HID1: variants seen among roughly 807,000 people sequenced by gnomAD.
HID1 encodes HID1 domain containing, also known as protein HID1.
Under a neutral mutation model 89.7 loss-of-function variants are expected in HID1, and 42 were observed. The ratio of observed to expected loss-of-function variants is 0.47; its 90% CI spans 0.37 to 0.61. The LOEUF is 0.61. Ranked by LOEUF, HID1 falls within the 20% of genes least tolerant of loss-of-function variation. The probability of loss-of-function intolerance (pLI) is 0.00; values close to 1 mark genes in which losing one functional copy is unlikely to be tolerated. For synonymous variants in HID1, 442 were observed against 433.8 expected (o/e 1.02, Z -0.24); for missense variants, 854 against 1,039.3 (o/e 0.82, Z 2.45).
At position 74,951,521 on chromosome 17, in the gene HID1, G is replaced by C. The variant is rs1231610706; in HGVS notation, c.*49C>G. On this transcript the variant is annotated 3_prime_UTR_variant, in exon 19 of 19. Transcript: ENST00000425042. ...AATGGTGGATGGGGGAAGCCTCAGG[G>C]ACCAAGGCCCTGCCTTCCCCTAGAC... 6.5e-7 allele frequency: 1 copy of C among 1,542,528 alleles called. No individual in the cohort carries two copies. The highest frequency in any genetic ancestry group is 1.2e-5 in the South Asian group (1 of 86,412).
chr17:74,963,274 G>C, intron 3 of HID1, 193 bp from the exon 4 acceptor site: 1 of 554,646 alleles, frequency 1.8e-6, no homozygotes, highest in South Asian at 2.2e-5. Context: ...AGGGAGCCGG[G>C]CCGGGAACAG....
Position 74,955,813 on chromosome 17 carries a change from T to C in HID1, c.1615A>G (p.Ile539Val). Reference protein sequence around the residue: ...VFFLLEVFNNIIQYQFDGNSN... With the variant: ...VFFLLEVFNNVIQYQFDGNSN... The stretch of plus-strand genomic sequence containing the variant: ...TCACCATCAAACTGGTACTGGATGA[T>C]GTTGTTGAAGACCTCCAGGAGGAAG... Residue 539 changes from isoleucine to valine, a missense_variant, in exon 13 of 19, where the codon ATC becomes GTC. Transcript: ENST00000425042. The C allele has an allele frequency of 6.2e-7, 1 of 1,614,130 alleles. No homozygotes were observed. Among genetic ancestry groups the C allele is most frequent in the Non-Finnish European group, 8.5e-7 (1 of 1,179,992 alleles).
chr17:74,955,740 A>ACTTCCT, intron 13 of HID1, 52 bp downstream of exon 13: 1 of 1,570,504 alleles, frequency 6.4e-7, no homozygotes, highest in Non-Finnish European at 8.7e-7. Flanking sequence ...CTTATGTAGG[A>ACTTCCT]AGTAGGCCCG....
At chr17:74,969,964 C>A (rs1279277473) in intron 1 of HID1, among the ~76,000 whole-genome samples, 10 of 126,084 alleles carry the variant, frequency 7.9e-5, no homozygotes, top group African/African-American at 3.1e-4. Flanking sequence ...GCTCTTGTTG[C>A]CCAAGCTAGA....
intron 3 of HID1, chr17:74,963,392 G>T (rs566884833): frequency 2.0e-6 from 1 of 489,670 alleles, no homozygotes; most frequent in South Asian, 2.8e-5. Context: ...ACCTCACCTG[G>T]ACATAAACCC....
Position 74,951,624 on chromosome 17 carries a change from G to T in HID1, c.2313C>A (p.Asp771Glu). Reference sequence around the variant, plus strand: ...CGTCGGTGTCGTACCAGACAGGGGGGTCCACATTCCTGTGGAGGAAATGGG... The same window carrying T: ...CGTCGGTGTCGTACCAGACAGGGGGTTCCACATTCCTGTGGAGGAAATGGG... ...MWGVIYLRNV[D>E]PPVWYDTDVK... The change falls in exon 19 of 19, where the codon GAC becomes GAA. Residue 771 changes from aspartate (D) to glutamate (E), a missense_variant. Physicochemically the swap from Asp to Glu is conservative, Grantham distance 45. Transcript: ENST00000425042. The T allele has an allele frequency of 6.2e-7, 1 of 1,612,590 alleles. No individual in the cohort carries two copies. The highest frequency in any genetic ancestry group is 8.5e-7 in the Non-Finnish European group (1 of 1,179,456).
At position 74,952,334 on chromosome 17, in the gene HID1, C is replaced by A. The variant is rs146778361; in HGVS notation, c.2079G>T (p.Pro693=). ...GCAGCAGCCTCATGATGGTCTGCAG[C>A]GGCAGCTTCGACTTCCAGGAGAGGA... ...EWVLSWKSKL[P]LQTIMRLLQV... Residue 693 remains proline (P), a synonymous_variant, in exon 17 of 19, where the codon CCG becomes CCT. Transcript: ENST00000425042. 472 of 1,613,860 alleles carry A rather than the reference C, an allele frequency of 2.9e-4. 1 individual carries two copies. Among genetic ancestry groups the A allele is most frequent in the African/African-American group, 2.6e-3 (198 of 75,040 alleles).
Position 74,972,534 on chromosome 17 carries a change from C to A in HID1, c.66+57G>T, listed in dbSNP as rs2039665398. Reference sequence around the variant, plus strand: ...CGAGCCAAGTTCGCGTACCCCCGGCCCTGCCCAGCCCCCAGCCCGGCAGGT... The same window carrying A: ...CGAGCCAAGTTCGCGTACCCCCGGCACTGCCCAGCCCCCAGCCCGGCAGGT... On this transcript the variant is annotated intron_variant, in intron 1 of 18. Transcript: ENST00000425042. The surrounding 1 kb of genome is among the most constrained non-coding windows in gnomAD (Gnocchi z 6.4). 1 of 1,487,818 alleles carries A rather than the reference C, an allele frequency of 6.7e-7. No individual in the cohort carries two copies. The highest frequency in any genetic ancestry group is 9.1e-7 in the Non-Finnish European group (1 of 1,098,316). 92.2% of individuals were successfully genotyped at this position (1,487,818 alleles called of 1,614,324 possible).
At position 74,959,057 on chromosome 17, in the gene HID1, G is replaced by A. The variant is rs746198221; in HGVS notation, c.1009-6C>T. ...TTGAGGATGAACTGGAAGTCCTGGG[G>A]GCGAGGGCAGAGCAGGGGGCCTGTC... is the stretch of plus-strand genomic sequence containing the variant. On this transcript the variant is annotated splice_polypyrimidine_tract_variant and splice_region_variant and intron_variant, in intron 8 of 18. Transcript: ENST00000425042. The surrounding 1 kb of genome is among the most constrained non-coding windows in gnomAD (Gnocchi z 4.6). 3 of 1,553,318 alleles carry A rather than the reference G, an allele frequency of 1.9e-6. No homozygotes were observed. Among genetic ancestry groups the A allele is most frequent in the East Asian group, 2.2e-5 (1 of 44,514 alleles).
At position 74,954,357 on chromosome 17, in the gene HID1, T is replaced by G; in HGVS notation, c.1645A>C (p.Asn549His). The G allele has an allele frequency of 3.8e-6, 6 of 1,564,352 alleles. No individual in the cohort carries two copies. The highest frequency in any genetic ancestry group is 5.2e-6 in the Non-Finnish European group (6 of 1,154,808). ...IIQYQFDGNS[N>H]LVYAIIRKRS... Reference sequence around the variant, plus strand: ...TTGCGGATGATGGCGTAGACCAGGTTGGAGTTGCCTGTGGGCAGGGAGCAT... The same window carrying G: ...TTGCGGATGATGGCGTAGACCAGGTGGGAGTTGCCTGTGGGCAGGGAGCAT... Residue 549 changes from asparagine (N) to histidine (H), a missense_variant, in exon 14 of 19, where the codon AAC becomes CAC. Coordinates refer to ENST00000425042, the MANE Select transcript of HID1 (RefSeq NM_030630.3).
chr17:74,969,961 T>C (rs1220927780), intron 1 of HID1, among the ~76,000 whole-genome samples: 1 of 142,254 alleles, frequency 7.0e-6, no homozygotes. Context: ...TTCGCTCTTG[T>C]TGCCCAAGCT....
intron 16 of HID1, 25 bp downstream of exon 16, chr17:74,952,981 C>A: frequency 6.4e-7 from 1 of 1,571,902 alleles, no homozygotes. Flanking sequence ...AGCCCCCGCT[C>A]GCCTGGCACA....
chr17:74,953,654 G>A lies in HID1; in HGVS notation c.1865-3C>T, dbSNP rs201514809. On this transcript the variant is annotated splice_region_variant and splice_polypyrimidine_tract_variant and intron_variant, in intron 14 of 18. Coordinates refer to ENST00000425042, the MANE Select transcript of HID1 (RefSeq NM_030630.3). ...CTTCTCGGTCAGCTTGTCAATGCCT[G>A]GGCAGGGCACAGGTGGGAGTGAGGA... 2.5e-6 allele frequency: 4 copies of A among 1,613,276 alleles called. No homozygotes were observed. In the African/African-American group the frequency reaches 5.3e-5, roughly 21 times the overall value.
At position 74,961,887 on chromosome 17, in the gene HID1, A is replaced by G; in HGVS notation, c.714T>C (p.Cys238=). Residue 238 remains cysteine (C), a synonymous_variant, in exon 6 of 19, where the codon TGT becomes TGC. Coordinates refer to ENST00000425042, the MANE Select transcript of HID1 (RefSeq NM_030630.3). ...GSTNPWVQFF[C]STENRHALPL... is the part of the protein sequence containing the mutation. Reference sequence around the variant, plus strand: ...GGGCCCTTCACCTGTTCTCCGTGGAACAAAAGAACTGAACCCATGGGTTGG... The same window carrying G: ...GGGCCCTTCACCTGTTCTCCGTGGAGCAAAAGAACTGAACCCATGGGTTGG... The G allele has an allele frequency of 6.3e-7, 1 of 1,578,512 alleles. No individual in the cohort carries two copies. Among genetic ancestry groups the G allele is most frequent in the Non-Finnish European group, 8.6e-7 (1 of 1,161,928 alleles).
At chr17:74,953,749 C>G (rs2039343477) in intron 14 of HID1, 98 bp from the exon 15 acceptor site, 1 of 949,580 alleles carries the variant, frequency 1.1e-6, no homozygotes, top group Non-Finnish European at 1.6e-6. Context: ...TTTACTCCTG[C>G]TTCCCTCTGG....
Position 74,951,725 on chromosome 17 carries a change from C to A in HID1, c.2304-92G>T, listed in dbSNP as rs376577256. The A allele has an allele frequency of 4.9e-6, 7 of 1,424,112 alleles. No homozygotes were observed. In the African/African-American group the frequency reaches 5.6e-5, roughly 11 times the overall value. 88.2% of individuals were successfully genotyped at this position (1,424,112 alleles called of 1,614,324 possible). A position where few individuals can be genotyped will look rare whatever the true frequency, so the allele number is the denominator to read the frequency against. ...GGGCAGCAGGAATGGCCAAGCCAAC[C>A]CTTTCCATCCCGATGTCCCACCCTG... is the stretch of plus-strand genomic sequence containing the variant. On this transcript the variant is annotated intron_variant, in intron 18 of 18. Transcript: ENST00000425042.
At chr17:74,967,295 C>T (rs1424595023) in intron 1 of HID1, among the ~76,000 whole-genome samples, 1 of 151,216 alleles carries the variant, frequency 6.6e-6, no homozygotes, top group East Asian at 1.9e-4. Context: ...AATTCCAGCA[C>T]TTTGGGAGGC....
At chr17:74,965,325 C>T (rs1156594933) in intron 1 of HID1, among the ~76,000 whole-genome samples, 1 of 152,264 alleles carries the variant, frequency 6.6e-6, no homozygotes, top group Non-Finnish European at 1.5e-5. Flanking sequence ...ACCGCTGCCA[C>T]AGGCACTGCT....
intron 16 of HID1, 105 bp downstream of exon 16, chr17:74,952,901 C>T: frequency 1.2e-6 from 1 of 842,996 alleles, no homozygotes; most frequent in Non-Finnish European, 1.8e-6. Flanking sequence ...ATCTTGCCAT[C>T]TTCACTGAGC....
Sources: gnomAD v4.1 joint callset for allele counts (sites outside exome capture counted in the v4.1 genomes callset) on GRCh38, gnomAD v4.1.1 for gene constraint, Gnocchi (gnomAD v3.1) non-coding constraint, MANE v1.5 for transcripts, NCBI Gene and HGNC (gene_info 2026-07-23, HGNC 2026-07-21) for gene names.